FBXO11: variants seen among roughly 807,000 people sequenced by gnomAD.
The protein encoded by FBXO11 is F-box only protein 11.
In FBXO11, 13 loss-of-function variants were observed where a neutral mutation model predicts 117.0. That is an observed-to-expected ratio of 0.11 (90% CI 0.07 to 0.18). The LOEUF is 0.18. FBXO11 is among the 10% of genes least tolerant of loss of function. The probability of loss-of-function intolerance (pLI) is 1.00; values close to 1 mark genes in which losing one functional copy is unlikely to be tolerated. For missense variants in FBXO11, 767 were observed against 1,164.4 expected (o/e 0.66, Z 4.97); for synonymous variants, 490 against 380.5 (o/e 1.29, Z -3.35).
intron 1 of FBXO11, among the ~76,000 whole-genome samples, chr2:47,843,913 G>C (rs768359503): frequency 2.6e-5 from 4 of 151,932 alleles, no homozygotes; most frequent in Non-Finnish European, 2.9e-5. Context: ...GCTAATTTTT[G>C]TATTTTTAAT....
At chr2:47,828,871 C>A (rs368221228) in intron 11 of FBXO11, among the ~76,000 whole-genome samples, 31 of 152,290 alleles carry the variant, frequency 2.0e-4, no homozygotes, top group African/African-American at 7.0e-4. Flanking sequence ...TTATTATTAT[C>A]TTCTAACTAA....
At chr2:47,838,824 T>C (rs758068574) in intron 4 of FBXO11, 35 bp downstream of exon 4, 2 of 1,589,438 alleles carry the variant, frequency 1.3e-6, no homozygotes, top group Admixed American at 1.7e-5. Context: ...ACAAATAACA[T>C]ATCTCAAGTT....
intron 7 of FBXO11, among the ~76,000 whole-genome samples, chr2:47,834,152 C>T (rs1672381991): frequency 6.6e-6 from 1 of 152,138 alleles, no homozygotes; most frequent in South Asian, 2.1e-4. Flanking sequence ...GAGTTTGAGA[C>T]CAGCCTGGCC....
chr2:47,831,983 T>C (rs953107907), intron 11 of FBXO11, among the ~76,000 whole-genome samples: 6 of 151,870 alleles, frequency 4.0e-5, no homozygotes, highest in Non-Finnish European at 7.4e-5. Flanking sequence ...AAATACATAT[T>C]CTAAGCCCCA....
chr2:47,901,501 C>CAGGT (rs1368853307), intron 1 of FBXO11, among the ~76,000 whole-genome samples: 1 of 151,808 alleles, frequency 6.6e-6, no homozygotes, highest in African/African-American at 2.4e-5. Context: ...TATTAGATTC[C>CAGGT]AGGTAGAAGA....
chr2:47,894,123 T>A (rs1311004013), intron 1 of FBXO11, among the ~76,000 whole-genome samples: 3 of 152,216 alleles, frequency 2.0e-5, no homozygotes, highest in African/African-American at 7.2e-5. Context: ...AATACAAGTT[T>A]ATGTGCCACT....
intron 18 of FBXO11, chr2:47,811,607 T>C (rs1374532738): frequency 6.6e-6 from 1 of 152,220 alleles, no homozygotes; most frequent in East Asian, 1.9e-4. Context: ...GAAGACAACC[T>C]TGGATTCAGT....
At chr2:47,847,423 T>C (rs1236413131) in intron 1 of FBXO11, among the ~76,000 whole-genome samples, 3 of 151,986 alleles carry the variant, frequency 2.0e-5, no homozygotes, top group Non-Finnish European at 2.9e-5. Flanking sequence ...AAATATAGTA[T>C]CATGGCTGGG....
At chr2:47,846,491 T>C (rs1024542552) in intron 1 of FBXO11, among the ~76,000 whole-genome samples, 3 of 152,170 alleles carry the variant, frequency 2.0e-5, no homozygotes, top group Admixed American at 6.5e-5. Flanking sequence ...TTTAATTTTA[T>C]GGTTTTCATT....
rs576128553 is a variant in FBXO11, at chr2:47,872,067, G to A, written c.233-32298C>T. Among the ~76,000 whole-genome samples, 4 of 151,490 alleles carry A rather than the reference G, an allele frequency of 2.6e-5. No individual in the cohort carries two copies. The South Asian group carries it at 8.4e-4, about 32-fold the overall frequency. On this transcript the variant is annotated intron_variant, in intron 1 of 22. Coordinates refer to ENST00000403359, the MANE Select transcript of FBXO11 (RefSeq NM_001190274.2). ...AGTTTCTTTCACGTTTTCTTTTTCC[G>A]GCACCATTTCTGCTGCTTCCAATGC...
intron 1 of FBXO11, among the ~76,000 whole-genome samples, chr2:47,854,387 TC>T (rs1327615175): frequency 2.6e-5 from 4 of 151,958 alleles, no homozygotes; most frequent in Non-Finnish European, 5.9e-5. Context: ...TATAAAGTTT[TC>T]CACAACTTTC....
intron 1 of FBXO11, among the ~76,000 whole-genome samples, chr2:47,856,812 G>C (rs1456575127): frequency 1.3e-5 from 2 of 152,192 alleles, no homozygotes; most frequent in African/African-American, 4.8e-5. Flanking sequence ...TGAAAATGTA[G>C]AACTGAAACA....
intron 1 of FBXO11, among the ~76,000 whole-genome samples, chr2:47,885,851 T>C (rs955222390): frequency 5.3e-5 from 8 of 152,190 alleles, no homozygotes; most frequent in Non-Finnish European, 1.2e-4. Context: ...AGAATATCCT[T>C]TTCCCCCTCC....
chr2:47,853,262 G>T (rs1416920662), intron 1 of FBXO11, among the ~76,000 whole-genome samples: 7 of 151,774 alleles, frequency 4.6e-5, no homozygotes, highest in Admixed American at 4.6e-4. Context: ...AGTACAGACG[G>T]GGCTTCACCA....
At chr2:47,816,259 C>T (rs111528154) in intron 16 of FBXO11, among the ~76,000 whole-genome samples, 1 of 152,044 alleles carries the variant, frequency 6.6e-6, no homozygotes, top group Admixed American at 6.6e-5. Context: ...AGCTCAGTGC[C>T]GCCTCGACTT....
At chr2:47,905,402 CCCCGCCCGCCCGCCCGCCCG>C (rs545418712) in intron 1 of FBXO11, 67 bp downstream of exon 1, 13 of 1,095,156 alleles carry the variant, frequency 1.2e-5, no homozygotes, top group Non-Finnish European at 1.1e-5. Flanking sequence ...CGCAGGCCGC[CCCCGCCCGCCCGCCCGCCCG>C]CCCGCCCCGG....
intron 1 of FBXO11, among the ~76,000 whole-genome samples, chr2:47,852,176 G>GA (rs1246701024): frequency 6.6e-6 from 1 of 152,060 alleles, no homozygotes; most frequent in Admixed American, 6.6e-5. Flanking sequence ...TTTTAGTAGA[G>GA]ACGGGGTTTC....
At chr2:47,881,141 A>G (rs1676400931) in intron 1 of FBXO11, among the ~76,000 whole-genome samples, 1 of 152,040 alleles carries the variant, frequency 6.6e-6, no homozygotes, top group Non-Finnish European at 1.5e-5. Flanking sequence ...AGTCCCAGTT[A>G]CTTGGGAGGC....
At position 47,825,535 on chromosome 2, in the gene FBXO11, T is replaced by C. The variant is rs560178235; in HGVS notation, c.1399-2175A>G. Among the ~76,000 whole-genome samples, 40 of 151,498 alleles carry C rather than the reference T, an allele frequency of 2.6e-4. 1 individual carries two copies. In the South Asian group the frequency reaches 7.9e-3, roughly 30 times the overall value. On this transcript the variant is annotated intron_variant, in intron 11 of 22. Coordinates refer to ENST00000403359, the MANE Select transcript of FBXO11 (RefSeq NM_001190274.2). ...ACTCTTAGTCTCTCTCTGCCAAGAGTTGAATGACATGTCTGGTGGATTTTT... is the reference window on the plus strand; with the variant it reads ...ACTCTTAGTCTCTCTCTGCCAAGAGCTGAATGACATGTCTGGTGGATTTTT...
Sources: gnomAD v4.1 joint callset for allele counts (sites outside exome capture counted in the v4.1 genomes callset) on GRCh38, gnomAD v4.1.1 for gene constraint, MANE v1.5 for transcripts, NCBI Gene and HGNC (gene_info 2026-07-23, HGNC 2026-07-21) for gene names.